Variants in TEX264 observed in about 807,000 individuals in gnomAD.
TEX264 encodes testis-expressed protein 264.
A neutral mutation model predicts 23.4 loss-of-function variants in TEX264; 13 were observed. The ratio of observed to expected loss-of-function variants is 0.56; its 90% CI spans 0.36 to 0.88. The LOEUF is 0.88. Among genes scored for constraint, TEX264 ranks in the 40% least tolerant of loss-of-function variants. TEX264 has a pLI of 0.01. For missense variants in TEX264, 340 were observed against 406.8 expected (o/e 0.84, Z 1.41); for synonymous variants, 159 against 170.0 (o/e 0.94, Z 0.50).
intron 3 of TEX264, among the ~76,000 whole-genome samples, chr3:51,689,240 A>G (rs879324048): frequency 6.6e-6 from 1 of 152,094 alleles, no homozygotes; most frequent in African/African-American, 2.4e-5. Flanking sequence ...CCTGGACAAC[A>G]TGGTGAAACC....
chr3:51,701,087 C>T (rs1489663200), intron 4 of TEX264, among the ~76,000 whole-genome samples: 2 of 152,176 alleles, frequency 1.3e-5, no homozygotes, highest in Non-Finnish European at 2.9e-5. Context: ...TATTTAGCTT[C>T]AGAGAGGCGA....
chr3:51,684,282 G>A (rs372521783), intron 2 of TEX264, 131 bp from the exon 3 acceptor site: 3 of 764,406 alleles, frequency 3.9e-6, no homozygotes, highest in Non-Finnish European at 6.4e-6. Flanking sequence ...CTGTGTCCTG[G>A]TATCTGGGGC....
intron 4 of TEX264, among the ~76,000 whole-genome samples, chr3:51,701,714 C>G (rs1361206917): frequency 2.0e-5 from 3 of 152,218 alleles, no homozygotes; most frequent in Admixed American, 2.0e-4. Context: ...TCACTGCAAC[C>G]TCCACCTCGT....
chr3:51,694,080 CG>C (rs1702952512), intron 3 of TEX264, among the ~76,000 whole-genome samples: 1 of 105,736 alleles, frequency 9.5e-6, no homozygotes, highest in Non-Finnish European at 1.9e-5. Context: ...CCCTTCCTTC[CG>C]TCCGTCCTTC....
Position 51,674,334 on chromosome 3 carries a change from T to C in TEX264, c.30T>C (p.Ile10=). The change falls in exon 2 of 5, where the codon ATT becomes ATC. Residue 10 remains isoleucine, a synonymous_variant. Coordinates refer to ENST00000341333, the MANE Select transcript of TEX264 (RefSeq NM_015926.6). ...CGGACCTGCTACTACTGGGCCTGAT[T>C]GGGGGCCTGACTCTCTTACTGCTGC... MSDLLLLGL[I]GGLTLLLLLT... 1 of 1,614,122 alleles carries C rather than the reference T, an allele frequency of 6.2e-7. No individual in the cohort carries two copies. Among genetic ancestry groups the C allele is most frequent in the Non-Finnish European group, 8.5e-7 (1 of 1,180,016 alleles).
intron 2 of TEX264, among the ~76,000 whole-genome samples, chr3:51,680,014 A>G (rs1431788147): frequency 6.6e-6 from 1 of 152,182 alleles, no homozygotes; most frequent in Non-Finnish European, 1.5e-5. Flanking sequence ...GTCATGGGCC[A>G]GTGCAGCTCG....
At chr3:51,676,198 C>T (rs1702221409) in intron 2 of TEX264, among the ~76,000 whole-genome samples, 1 of 152,230 alleles carries the variant, frequency 6.6e-6, no homozygotes, top group African/African-American at 2.4e-5. Flanking sequence ...CCCCCTTCCA[C>T]ACCTGGCCCA....
intron 2 of TEX264, 109 bp downstream of exon 2, chr3:51,674,671 T>A: frequency 2.2e-6 from 3 of 1,372,974 alleles, no homozygotes; most frequent in Non-Finnish European, 3.0e-6. Flanking sequence ...ATCTTCAAGC[T>A]GGCCCTGCAG....
chr3:51,689,737 A>G (rs1702759896), intron 3 of TEX264, among the ~76,000 whole-genome samples: 1 of 152,220 alleles, frequency 6.6e-6, no homozygotes, highest in Non-Finnish European at 1.5e-5. Context: ...TGCCACCTCC[A>G]GTCCCGCCCA....
chr3:51,693,628 C>T (rs780006476), intron 3 of TEX264, among the ~76,000 whole-genome samples: 1 of 151,872 alleles, frequency 6.6e-6, no homozygotes, highest in Non-Finnish European at 1.5e-5. Context: ...TACAAGCATC[C>T]GACACCACGC....
Position 51,704,191 on chromosome 3 carries a change from G to A in TEX264, c.*175G>A. 2 of 521,958 alleles carry A rather than the reference G, an allele frequency of 3.8e-6. No homozygotes were observed. Among genetic ancestry groups the A allele is most frequent in the Non-Finnish European group, 5.9e-6 (2 of 336,400 alleles). The allele number at this position is 521,958 out of a possible 1,614,324, so 32.3% of individuals were successfully genotyped here. On this transcript the variant is annotated 3_prime_UTR_variant, in exon 5 of 5. Transcript: ENST00000341333. ...CTCCTCACTGCCCTTTAGGCTCCCA[G>A]GGCCAGAGGAGCCAGGGACTATTTT...
rs966075301 is a variant in TEX264 at position 51,691,490 on chromosome 3, C to T, written c.480+6856C>T. The stretch of plus-strand genomic sequence containing the variant: ...GGTGTGGGGAGGGGAGGGATAGATT[C>T]GCTGGGAAAGGCAAAACAACCCTTG... On this transcript the variant is annotated intron_variant, in intron 3 of 4. Coordinates refer to ENST00000341333, the MANE Select transcript of TEX264 (RefSeq NM_015926.6). This position sits in a 1 kb window ranked among gnomAD's most constrained non-coding sequence, Gnocchi z 4.4. 5.3e-5 allele frequency among the ~76,000 whole-genome samples: 8 copies of T among 152,136 alleles called. No homozygotes were observed. The highest frequency in any genetic ancestry group is 1.9e-4 in the East Asian group (1 of 5,196).
rs764083278 is a variant in TEX264, at chr3:51,703,889, C to G, written c.815C>G (p.Ser272Cys). Residue 272 changes from serine (S) to cysteine (C), a missense_variant, in exon 5 of 5, where the codon TCT (serine) becomes TGT (cysteine). Transcript: ENST00000341333. This position sits in a 1 kb window ranked among gnomAD's most constrained non-coding sequence, Gnocchi z 4.8. ...AGCGAGTCAGGTGCCAGCGGCTCCT[C>G]TTTTGAGGAGCTGGACTTGGAGGGC... The part of the protein sequence containing the change: ...SYSESGASGS[S>C]FEELDLEGEG... The G allele has an allele frequency of 6.2e-7, 1 of 1,611,878 alleles. No individual in the cohort carries two copies. The highest frequency in any genetic ancestry group is 8.5e-7 in the Non-Finnish European group (1 of 1,178,628).
rs745345314 is a variant in TEX264 at position 51,674,502 on chromosome 3, G to C, written c.198G>C (p.Glu66Asp). 6.2e-7 allele frequency: 1 copy of C among 1,614,194 alleles called. No individual in the cohort carries two copies. The highest frequency in any genetic ancestry group is 8.5e-7 in the Non-Finnish European group (1 of 1,180,046). ...LYGETGRLFT[E>D]SCSISPKLRS... ...GTGAGACTGGGCGGCTTTTCACTGA[G>C]AGCTGCAGCATCTCTCCCAAGCTCC... is the stretch of plus-strand genomic sequence containing the variant. Residue 66 changes from glutamate (E) to aspartate (D), a missense_variant, in exon 2 of 5, where the codon GAG becomes GAC. Coordinates refer to ENST00000341333, the MANE Select transcript of TEX264 (RefSeq NM_015926.6).
intron 3 of TEX264, among the ~76,000 whole-genome samples, chr3:51,687,821 T>G (rs752736698): frequency 4.6e-5 from 7 of 152,134 alleles, no homozygotes; most frequent in Non-Finnish European, 1.0e-4. Flanking sequence ...GGAACAGGAT[T>G]GGTCTCATGG....
At chr3:51,673,227 C>T (rs546483940) in intron 1 of TEX264, among the ~76,000 whole-genome samples, 29 of 152,232 alleles carry the variant, frequency 1.9e-4, no homozygotes, top group African/African-American at 6.7e-4. Flanking sequence ...GTGGGAATGT[C>T]CCCCCAGTGG....
At chr3:51,695,053 C>T (rs943509477) in intron 3 of TEX264, among the ~76,000 whole-genome samples, 5 of 152,234 alleles carry the variant, frequency 3.3e-5, no homozygotes, top group African/African-American at 1.2e-4. Context: ...GCAGGGACTG[C>T]TGTGTGCAGG....
At chr3:51,684,723 G>A (rs2106944782) in intron 3 of TEX264, 89 bp downstream of exon 3, 2 of 1,365,988 alleles carry the variant, frequency 1.5e-6, no homozygotes, top group East Asian at 2.4e-5. Flanking sequence ...GGAGGAAGAA[G>A]TGGTTTTGGG....
rs779429677 is a variant in TEX264 at position 51,674,467 on chromosome 3, G to A, written c.163G>A (p.Gly55Arg). ...CACTGTGGCCTACAAGTTCCACATG[G>A]GGCTCTATGGTGAGACTGGGCGGCT... ...NVTVAYKFHM[G>R]LYGETGRLFT... is the part of the protein sequence containing the mutation. Residue 55 changes from glycine to arginine, a missense_variant, in exon 2 of 5, where the codon GGG becomes AGG. By Grantham distance (125) the Gly-to-Arg change is moderately radical. Coordinates refer to ENST00000341333, the MANE Select transcript of TEX264 (RefSeq NM_015926.6). 2 of 1,614,172 alleles carry A rather than the reference G, an allele frequency of 1.2e-6. No individual in the cohort carries two copies. Among genetic ancestry groups the A allele is most frequent in the South Asian group, 1.1e-5 (1 of 91,078 alleles).
Sources: allele counts gnomAD v4.1 joint callset (sites outside exome capture counted in the v4.1 genomes callset), GRCh38; gene constraint gnomAD v4.1.1; non-coding constraint Gnocchi (gnomAD v3.1); transcripts MANE v1.5; gene names NCBI Gene and HGNC (gene_info 2026-07-23, HGNC 2026-07-21).